PPFIA2: variants seen among roughly 807,000 people sequenced by gnomAD.
The protein encoded by PPFIA2 is liprin-alpha-2.
PPFIA2 carries 46 observed loss-of-function variants against 175.5 expected under a neutral mutation model. The observed-to-expected ratio is 0.26, with a 90% CI of 0.21 to 0.34. The LOEUF (loss-of-function observed/expected upper bound fraction) is 0.34, where lower values mean the gene tolerates loss of function less well. PPFIA2 is among the 10% of genes least tolerant of loss of function. The pLI is 1.00. For synonymous variants in PPFIA2, 568 were observed against 511.4 expected, an observed-to-expected ratio of 1.11 and a Z score of -1.49; for missense variants, 1,179 against 1,506.1, an observed-to-expected ratio of 0.78 and a Z score of 3.60.
intron 4 of PPFIA2, among the ~76,000 whole-genome samples, chr12:81,634,861 A>T (rs753879722): frequency 8.9e-4 from 135 of 151,848 alleles, no homozygotes; most frequent in Admixed American, 4.6e-4. Context: ...TCCCAATAGT[A>T]TGGGTAATGT....
At chr12:81,534,902 G>T (rs187139958) in intron 4 of PPFIA2, among the ~76,000 whole-genome samples, 4 of 151,738 alleles carry the variant, frequency 2.6e-5, no homozygotes, top group Admixed American at 2.0e-4. Context: ...TAGTTTGAAA[G>T]ATTCAGGTTG....
rs796634804 is a variant in PPFIA2, at chr12:81,306,513, TTTTG to T, written c.2643-7135_2643-7132del. Among the ~76,000 whole-genome samples the T allele has an allele frequency of 2.2e-3, 335 of 151,634 alleles. 2 individuals are homozygous for T. Among genetic ancestry groups the T allele is most frequent in the African/African-American group, 5.2e-3 (216 of 41,334 alleles). On this transcript the variant is annotated intron_variant, in intron 22 of 32. Transcript: ENST00000549396. ...AAATGTGAGCTTCTTTCTTACTGTT[TTTTG>T]TTTGTTTGTTTGTTTGTTTCGTTGT...
intron 4 of PPFIA2, among the ~76,000 whole-genome samples, chr12:81,576,681 A>C (rs1403986278): frequency 6.6e-6 from 1 of 151,900 alleles, no homozygotes; most frequent in African/African-American, 2.4e-5. Context: ...TTTAGAATGC[A>C]TACAAATTTT....
intron 2 of PPFIA2, among the ~76,000 whole-genome samples, chr12:81,756,526 T>G (rs1436446848): frequency 6.6e-6 from 1 of 152,212 alleles, no homozygotes; most frequent in Non-Finnish European, 1.5e-5. Flanking sequence ...GAAAAGTGGC[T>G]TAGGGACTTA....
intron 4 of PPFIA2, among the ~76,000 whole-genome samples, chr12:81,651,398 C>CT (rs200834831): frequency 8.6e-5 from 13 of 151,432 alleles, no homozygotes; most frequent in African/African-American, 1.7e-4. Context: ...ATTAACAAAA[C>CT]TTTTTTTTTC....
chr12:81,439,242 G>T (rs1432416735), intron 7 of PPFIA2, among the ~76,000 whole-genome samples: 1 of 148,264 alleles, frequency 6.7e-6, no homozygotes, highest in South Asian at 2.1e-4. Context: ...GTACCACACT[G>T]TCTATAGGAG....
chr12:81,516,053 G>T (rs910671867), intron 4 of PPFIA2, among the ~76,000 whole-genome samples: 1 of 151,960 alleles, frequency 6.6e-6, no homozygotes. Context: ...TTAAGGAAAA[G>T]ATGTTCTCCA....
intron 4 of PPFIA2, among the ~76,000 whole-genome samples, chr12:81,508,545 A>AG (rs2061435883): frequency 7.2e-6 from 1 of 138,396 alleles, no homozygotes; most frequent in South Asian, 2.3e-4. Flanking sequence ...AAAAAAAAAA[A>AG]GCTTTGTAAA....
chr12:81,562,990 C>A (rs1345273138), intron 4 of PPFIA2, among the ~76,000 whole-genome samples: 3 of 151,738 alleles, frequency 2.0e-5, no homozygotes. Context: ...CAAGTCATTG[C>A]CAATGTCAAT....
chr12:81,512,029 C>T (rs903464657), intron 4 of PPFIA2, among the ~76,000 whole-genome samples: 1 of 152,044 alleles, frequency 6.6e-6, no homozygotes, highest in Non-Finnish European at 1.5e-5. Context: ...AAACACATAG[C>T]ACTAAATAAA....
At chr12:81,451,903 C>G (rs1379445793) in intron 5 of PPFIA2, among the ~76,000 whole-genome samples, 2 of 152,088 alleles carry the variant, frequency 1.3e-5, no homozygotes, top group African/African-American at 4.8e-5. Flanking sequence ...TAACAATCTA[C>G]TAATTACACA....
intron 8 of PPFIA2, among the ~76,000 whole-genome samples, chr12:81,399,501 T>A (rs918928258): frequency 6.6e-6 from 1 of 152,106 alleles, no homozygotes; most frequent in African/African-American, 2.4e-5. Flanking sequence ...AGACTTTTAT[T>A]TTTGCCATTG....
At position 81,447,921 on chromosome 12, in the gene PPFIA2, T is replaced by C. The variant is rs182026777; in HGVS notation, c.406-2201A>G. ...TAATTGGCATTATTTCCTAAAAGCT[T>C]AGGCTAATTAACATTATTATGTACA... On this transcript the variant is annotated intron_variant, in intron 5 of 32. Transcript: ENST00000549396. Among the ~76,000 whole-genome samples, 29 of 152,310 alleles carry C rather than the reference T, an allele frequency of 1.9e-4. No individual in the cohort carries two copies. The South Asian group carries it at 3.5e-3, about 18-fold the overall frequency.
intron 6 of PPFIA2, among the ~76,000 whole-genome samples, chr12:81,442,217 G>A (rs756498392): frequency 3.3e-5 from 5 of 151,978 alleles, no homozygotes; most frequent in South Asian, 4.2e-4. Flanking sequence ...TGTTGTCCAC[G>A]AAGTAATAAA....
intron 4 of PPFIA2, among the ~76,000 whole-genome samples, chr12:81,464,016 C>T (rs1283474373): frequency 6.6e-6 from 1 of 152,032 alleles, no homozygotes; most frequent in African/African-American, 2.4e-5. Context: ...AGCTAATATT[C>T]CCAGTTGTTA....
chr12:81,555,851 G>C (rs899957205), intron 4 of PPFIA2, among the ~76,000 whole-genome samples: 2 of 151,784 alleles, frequency 1.3e-5, no homozygotes, highest in African/African-American at 4.8e-5. Context: ...GCTTCTTCTG[G>C]GTACTTAAAT....
intron 13 of PPFIA2, chr12:81,367,970 C>G: frequency 5.6e-6 from 3 of 533,528 alleles, no homozygotes; most frequent in Admixed American, 2.9e-5. Context: ...ATTAATCAAA[C>G]TAACTTTTTG....
chr12:81,662,621 T>A (rs2069153586), intron 4 of PPFIA2, among the ~76,000 whole-genome samples: 1 of 151,998 alleles, frequency 6.6e-6, no homozygotes, highest in African/African-American at 2.4e-5. Context: ...CTACCAGAGG[T>A]ACAAGGAGGA....
chr12:81,694,899 T>C (rs1820995668), intron 3 of PPFIA2, among the ~76,000 whole-genome samples: 1 of 152,172 alleles, frequency 6.6e-6, no homozygotes, highest in African/African-American at 2.4e-5. Context: ...GGATATGGGA[T>C]ACGGAATAAA....
Sources: allele counts gnomAD v4.1 joint callset (sites outside exome capture counted in the v4.1 genomes callset), GRCh38; gene constraint gnomAD v4.1.1; transcripts MANE v1.5; gene names NCBI Gene and HGNC (gene_info 2026-07-23, HGNC 2026-07-21).